SLC24A2: variants seen among roughly 807,000 people sequenced by gnomAD.
SLC24A2 encodes the protein solute carrier family 24 member 2, also known as sodium/potassium/calcium exchanger 2.
In SLC24A2, 36 loss-of-function variants were observed where a neutral mutation model predicts 62.0. That is an observed-to-expected ratio of 0.58 (90% CI 0.44 to 0.77). The LOEUF (loss-of-function observed/expected upper bound fraction) is 0.77, where lower values mean the gene tolerates loss of function less well. Among genes scored for constraint, SLC24A2 ranks in the 30% least tolerant of loss-of-function variants. The probability of loss-of-function intolerance (pLI) is 0.00; values close to 1 mark genes in which losing one functional copy is unlikely to be tolerated. For missense variants in SLC24A2, 846 were observed against 817.9 expected (o/e 1.03, Z -0.42); for synonymous variants, 358 against 294.0 (o/e 1.22, Z -2.23).
chr9:19,787,147 G>T, intron 1 of SLC24A2, 128 bp from the exon 2 acceptor site: 2 of 341,254 alleles, frequency 5.9e-6, no homozygotes, highest in Non-Finnish European at 8.3e-6. Flanking sequence ...TAACTTCTCT[G>T]TGCCTCAGTT....
the SLC24A2 span, among the ~76,000 whole-genome samples, chr9:20,212,200 A>G: frequency 6.6e-6 from 1 of 151,866 alleles, no homozygotes; most frequent in Non-Finnish European, 1.5e-5. Context: ...GGAAAATTCA[A>G]GACAATAGGC....
chr9:19,651,321 A>G (rs931111743), intron 2 of SLC24A2, among the ~76,000 whole-genome samples: 1 of 152,214 alleles, frequency 6.6e-6, no homozygotes, highest in Non-Finnish European at 1.5e-5. Flanking sequence ...TAATAACCCA[A>G]TGGTGAAGGT....
chr9:20,051,574 A>C, the SLC24A2 span, among the ~76,000 whole-genome samples: 1 of 151,806 alleles, frequency 6.6e-6, no homozygotes, highest in Non-Finnish European at 1.5e-5. Context: ...AATTTACTAA[A>C]AATTACCACA....
At chr9:19,952,153 T>C in the SLC24A2 span, among the ~76,000 whole-genome samples, 2 of 152,070 alleles carry the variant, frequency 1.3e-5, no homozygotes, top group Admixed American at 1.3e-4. Context: ...AAACAATTGA[T>C]TTTTGTATAT....
the SLC24A2 span, among the ~76,000 whole-genome samples, chr9:20,213,242 A>C: frequency 6.6e-6 from 1 of 151,886 alleles, no homozygotes; most frequent in Non-Finnish European, 1.5e-5. Context: ...CCTTTAAGCA[A>C]CTTTTCATTT....
the SLC24A2 span, among the ~76,000 whole-genome samples, chr9:19,901,165 G>T: frequency 3.9e-5 from 6 of 152,294 alleles, no homozygotes; most frequent in South Asian, 8.3e-4. Flanking sequence ...AGAGAATTTT[G>T]TAAGGGAGAC....
intron 2 of SLC24A2, among the ~76,000 whole-genome samples, chr9:19,639,502 C>T (rs900909668): frequency 2.6e-5 from 4 of 152,168 alleles, no homozygotes; most frequent in Admixed American, 6.5e-5. Flanking sequence ...CGGCCAGCTG[C>T]CCCCCACCAT....
the SLC24A2 span, among the ~76,000 whole-genome samples, chr9:20,274,502 G>A: frequency 6.6e-6 from 1 of 152,106 alleles, no homozygotes; most frequent in East Asian, 1.9e-4. Flanking sequence ...TGAGGTGCAA[G>A]GGAAAAAGAG....
chr9:19,605,755 T>C (rs1249889023), intron 4 of SLC24A2, among the ~76,000 whole-genome samples: 2 of 152,254 alleles, frequency 1.3e-5, no homozygotes, highest in Non-Finnish European at 2.9e-5. Context: ...CACTGTTCTA[T>C]GTGCCCTACA....
chr9:19,914,653 C>T, the SLC24A2 span, among the ~76,000 whole-genome samples: 107 of 152,130 alleles, frequency 7.0e-4, no homozygotes, highest in Admixed American at 1.2e-3. Context: ...ATAATCTAGC[C>T]GAGAGTGACA....
chr9:19,812,519 T>C, the SLC24A2 span, among the ~76,000 whole-genome samples: 1 of 152,208 alleles, frequency 6.6e-6, no homozygotes, highest in African/African-American at 2.4e-5. Context: ...CATTTGATTC[T>C]TTTTATGAAT....
At chr9:20,013,075 C>T in the SLC24A2 span, among the ~76,000 whole-genome samples, 1 of 152,022 alleles carries the variant, frequency 6.6e-6, no homozygotes, top group Non-Finnish European at 1.5e-5. Context: ...TTTGAAACCA[C>T]AAAAGACTCT....
chr9:19,943,037 A>G, the SLC24A2 span, among the ~76,000 whole-genome samples: 5 of 152,192 alleles, frequency 3.3e-5, no homozygotes, highest in South Asian at 6.2e-4. Context: ...GTTGATCTGC[A>G]TGAGGGTCTT....
the SLC24A2 span, among the ~76,000 whole-genome samples, chr9:19,819,708 A>G: frequency 6.6e-5 from 10 of 151,926 alleles, no homozygotes; most frequent in African/African-American, 2.2e-4. Flanking sequence ...CCAACAGTAG[A>G]TGTTGACATG....
At chr9:20,303,391 G>C in the SLC24A2 span, among the ~76,000 whole-genome samples, 1 of 152,152 alleles carries the variant, frequency 6.6e-6, no homozygotes, top group Non-Finnish European at 1.5e-5. Flanking sequence ...GATCTTGTAA[G>C]AGTTTATTTA....
At chr9:19,787,073 A>G in intron 1 of SLC24A2, 54 bp from the exon 2 acceptor site, 1 of 1,309,922 alleles carries the variant, frequency 7.6e-7, no homozygotes, top group East Asian at 2.6e-5. Flanking sequence ...CGTCTTTTTA[A>G]TAAAGATCTT....
the SLC24A2 span, among the ~76,000 whole-genome samples, chr9:20,192,292 G>A: frequency 3.3e-5 from 5 of 152,140 alleles, no homozygotes; most frequent in Non-Finnish European, 7.4e-5. Flanking sequence ...GATGGACAAA[G>A]GCTGGGGCTG....
chr9:20,248,665 G>A, the SLC24A2 span, among the ~76,000 whole-genome samples: 3 of 152,156 alleles, frequency 2.0e-5, no homozygotes, highest in Non-Finnish European at 2.9e-5. Flanking sequence ...TTTACCATAT[G>A]AATTTGGGGG....
intron 6 of SLC24A2, among the ~76,000 whole-genome samples, chr9:19,576,582 G>A (rs569417644): frequency 6.6e-5 from 10 of 152,310 alleles, no homozygotes; most frequent in Admixed American, 2.6e-4. Context: ...GTACGTGTGC[G>A]TGTATGCGTG....
Sources: allele counts gnomAD v4.1 joint callset (sites outside exome capture counted in the v4.1 genomes callset), GRCh38; gene constraint gnomAD v4.1.1; transcripts MANE v1.5; gene names NCBI Gene and HGNC (gene_info 2026-07-23, HGNC 2026-07-21).